FMN1: variants seen among roughly 807,000 people sequenced by gnomAD.
FMN1 encodes the protein formin 1, also known as formin-1.
In FMN1, 110 loss-of-function variants were observed where a neutral mutation model predicts 132.4. The observed-to-expected ratio is 0.83, with a 90% CI of 0.71 to 0.97. The LOEUF (loss-of-function observed/expected upper bound fraction) is 0.97, where lower values mean the gene tolerates loss of function less well. Ranked by LOEUF, FMN1 falls within the 50% of genes least tolerant of loss-of-function variation. The pLI is 0.00. For synonymous variants in FMN1, 722 were observed against 651.7 expected (o/e 1.11, Z -1.64); for missense variants, 1,792 against 1,705.3 (o/e 1.05, Z -0.90).
chr15:33,059,558 C>T (rs1050670487), intron 6 of FMN1, among the ~76,000 whole-genome samples: 3 of 152,066 alleles, frequency 2.0e-5, no homozygotes, highest in Admixed American at 6.5e-5. Context: ...TCTTTAGATA[C>T]TGGTACATTG....
At chr15:32,837,309 G>C (rs1596047771) in intron 17 of FMN1, 2 of 185,782 alleles carry the variant, frequency 1.1e-5, no homozygotes, top group East Asian at 2.9e-4. Context: ...GTGGCCTGAA[G>C]GTCTTCTCTG....
intron 5 of FMN1, among the ~76,000 whole-genome samples, chr15:33,071,995 C>T (rs981990384): frequency 4.6e-5 from 7 of 152,200 alleles, no homozygotes; most frequent in Non-Finnish European, 8.8e-5. Context: ...CCTACCTCAA[C>T]TGATTCTCTT....
chr15:32,924,624 T>A (rs1226563504), intron 10 of FMN1, among the ~76,000 whole-genome samples: 6 of 152,192 alleles, frequency 3.9e-5, no homozygotes. Context: ...AATGTCAATA[T>A]AAAGATTTAC....
At chr15:32,800,068 G>T (rs2057426142) in intron 18 of FMN1, among the ~76,000 whole-genome samples, 1 of 151,840 alleles carries the variant, frequency 6.6e-6, no homozygotes, top group African/African-American at 2.4e-5. Context: ...TACTATTATG[G>T]AGCATACTTT....
chr15:32,789,263 A>C (rs1256757395), intron 19 of FMN1, among the ~76,000 whole-genome samples: 1 of 152,216 alleles, frequency 6.6e-6, no homozygotes. Flanking sequence ...CAAATCATTA[A>C]ATGACAAAAC....
intron 16 of FMN1, among the ~76,000 whole-genome samples, chr15:32,867,832 C>G (rs1177329239): frequency 1.3e-5 from 2 of 152,150 alleles, no homozygotes; most frequent in African/African-American, 4.8e-5. Flanking sequence ...GATGAGAGAC[C>G]CTCTGTTACA....
At chr15:33,077,353 T>TTA (rs1175525283) in intron 5 of FMN1, among the ~76,000 whole-genome samples, 5 of 97,492 alleles carry the variant, frequency 5.1e-5, no homozygotes, top group Admixed American at 1.3e-4. Flanking sequence ...TTTTTTTTTT[T>TTA]AATATATATA....
chr15:32,913,267 T>C (rs916638744), intron 10 of FMN1, among the ~76,000 whole-genome samples: 2 of 152,230 alleles, frequency 1.3e-5, no homozygotes, highest in Non-Finnish European at 2.9e-5. Flanking sequence ...TGTATTATCA[T>C]ATTTTTATCT....
At chr15:32,955,138 T>C (rs1275115504) in intron 9 of FMN1, among the ~76,000 whole-genome samples, 1 of 152,242 alleles carries the variant, frequency 6.6e-6, no homozygotes. Context: ...CACTGGGTTT[T>C]TGATCAAATT....
intron 17 of FMN1, 74 bp from the exon 18 acceptor site, chr15:32,804,406 C>T: frequency 3.9e-6 from 2 of 513,316 alleles, no homozygotes; most frequent in Non-Finnish European, 6.5e-6. Flanking sequence ...GCTTCAATTA[C>T]ACCCATTCAT....
At chr15:33,146,375 T>C (rs528603782) in intron 4 of FMN1, among the ~76,000 whole-genome samples, 1 of 152,316 alleles carries the variant, frequency 6.6e-6, no homozygotes, top group African/African-American at 2.4e-5. Flanking sequence ...AAGTGTTCTC[T>C]CTTGGTACTT....
At chr15:33,104,338 A>G (rs2039402895) in intron 4 of FMN1, among the ~76,000 whole-genome samples, 1 of 152,158 alleles carries the variant, frequency 6.6e-6, no homozygotes, top group Non-Finnish European at 1.5e-5. Context: ...ATGTAAGTGG[A>G]CTTTCTTGCC....
intron 4 of FMN1, among the ~76,000 whole-genome samples, chr15:33,110,276 G>C (rs745745852): frequency 6.6e-6 from 1 of 151,930 alleles, no homozygotes; most frequent in African/African-American, 2.4e-5. Context: ...TATTCTCTTT[G>C]CAGAATTGTT....
intron 7 of FMN1, among the ~76,000 whole-genome samples, chr15:32,986,823 A>G (rs1215850660): frequency 4.6e-5 from 7 of 152,096 alleles, no homozygotes; most frequent in Non-Finnish European, 7.4e-5. Context: ...ATTACTTTTG[A>G]TTGATATTCA....
chr15:32,834,929 G>A (rs148098119), intron 17 of FMN1, among the ~76,000 whole-genome samples: 124 of 152,270 alleles, frequency 8.1e-4, no homozygotes, highest in African/African-American at 2.8e-3. Flanking sequence ...ATAACATTAT[G>A]ACACCAAAGC....
At chr15:32,890,239 G>C (rs1268622785) in intron 15 of FMN1, among the ~76,000 whole-genome samples, 2 of 152,186 alleles carry the variant, frequency 1.3e-5, no homozygotes, top group Admixed American at 6.5e-5. Flanking sequence ...ACATGCACGT[G>C]CAAGTATCTT....
chr15:33,083,164 C>G (rs148313931), intron 5 of FMN1, among the ~76,000 whole-genome samples: 3 of 152,234 alleles, frequency 2.0e-5, no homozygotes, highest in East Asian at 3.9e-4. Context: ...GGGTCCTGGA[C>G]AGAACTTCTA....
chr15:32,796,704 A>T (rs1337178952), intron 19 of FMN1, among the ~76,000 whole-genome samples: 1 of 152,226 alleles, frequency 6.6e-6, no homozygotes, highest in East Asian at 1.9e-4. Context: ...GCAGACAGAG[A>T]ACACTTTAAC....
At chr15:32,825,368 G>A (rs975003350) in intron 17 of FMN1, among the ~76,000 whole-genome samples, 3 of 152,132 alleles carry the variant, frequency 2.0e-5, no homozygotes, top group Admixed American at 6.5e-5. Context: ...AGTTGTATTC[G>A]CCCATCTTAA....
Sources: allele counts gnomAD v4.1 joint callset (sites outside exome capture counted in the v4.1 genomes callset), GRCh38; gene constraint gnomAD v4.1.1; transcripts MANE v1.5; gene names NCBI Gene and HGNC (gene_info 2026-07-23, HGNC 2026-07-21).